Variants in GON4L observed in about 807,000 individuals in gnomAD.
GON4L encodes gon-4 like, also known as GON-4-like protein.
Under a neutral mutation model 211.8 loss-of-function variants are expected in GON4L, and 87 were observed. The ratio of observed to expected loss-of-function variants is 0.41; its 90% CI spans 0.35 to 0.49. The LOEUF is 0.49. Ranked by LOEUF, GON4L falls within the 20% of genes least tolerant of loss-of-function variation. GON4L has a pLI of 0.15. For missense variants in GON4L, 2,155 were observed against 2,659.5 expected, an observed-to-expected ratio of 0.81 and a Z score of 4.17; for synonymous variants, 875 against 962.6, an observed-to-expected ratio of 0.91 and a Z score of 1.68.
chr1:155,822,785 T>C (rs1412651566), intron 3 of GON4L, among the ~76,000 whole-genome samples: 2 of 152,134 alleles, frequency 1.3e-5, no homozygotes, highest in African/African-American at 4.8e-5. Context: ...CACAACTGTA[T>C]ATATTTTTCT....
Position 155,766,378 on chromosome 1 carries a change from G to C in GON4L, c.3095C>G (p.Pro1032Arg), listed in dbSNP as rs769598806. The C allele has an allele frequency of 7.4e-6, 12 of 1,614,130 alleles. No homozygotes were observed. The South Asian group carries it at 7.7e-5, about 10-fold the overall frequency. The change falls in exon 21 of 32, where the codon CCG (proline) becomes CGG (arginine). Residue 1032 changes from proline to arginine, a missense_variant. Coordinates refer to ENST00000368331, the MANE Select transcript of GON4L (RefSeq NM_001282860.2). ...AGGAATCCGGAGCACCATTTTGCTC[G>C]GAGGGGCTTCTGAATGAGTTGATCG... is the stretch of plus-strand genomic sequence containing the variant. ...PARSTHSEAP[P>R]SKMVLRIPHP...
intron 11 of GON4L, among the ~76,000 whole-genome samples, chr1:155,801,844 C>T (rs1215523974): frequency 6.6e-6 from 1 of 152,034 alleles, no homozygotes; most frequent in African/African-American, 2.4e-5. Context: ...GATCACACCA[C>T]TGCACTCCAG....
chr1:155,756,696 G>A (rs985209644), intron 27 of GON4L: 5 of 390,584 alleles, frequency 1.3e-5, no homozygotes, highest in South Asian at 2.6e-5. Context: ...AGGCCGAGGC[G>A]GGTGGATCAC....
chr1:155,813,307 T>C (rs76175008), intron 10 of GON4L, among the ~76,000 whole-genome samples: 3,922 of 151,938 alleles, frequency 0.026, 173 homozygotes, highest in African/African-American at 0.087. Context: ...TGGTGGCATA[T>C]ACCTGTCCCA....
At chr1:155,809,678 T>A (rs1295170355) in intron 10 of GON4L, among the ~76,000 whole-genome samples, 1 of 55,010 alleles carries the variant, frequency 1.8e-5, no homozygotes, top group Non-Finnish European at 3.1e-5. Context: ...TATATACTTA[T>A]AAATTATATA....
intron 11 of GON4L, among the ~76,000 whole-genome samples, chr1:155,802,316 G>GC (rs561794053): frequency 1.2e-4 from 18 of 147,058 alleles, no homozygotes; most frequent in African/African-American, 4.4e-4. Context: ...TTTCCTTGGG[G>GC]GGGGGGAAGG....
At chr1:155,832,939 G>T (rs1571894252) in intron 2 of GON4L, 1 of 139,132 alleles carries the variant, frequency 7.2e-6, no homozygotes, top group Non-Finnish European at 1.5e-5. Flanking sequence ...TCTCTGTTTT[G>T]TGTTACATTA....
At chr1:155,817,479 C>G (rs79161612) in intron 6 of GON4L, among the ~76,000 whole-genome samples, 1 of 151,998 alleles carries the variant, frequency 6.6e-6, no homozygotes, top group African/African-American at 2.4e-5. Context: ...ATGTTCTGAC[C>G]ATTTATCTAG....
In GON4L at chr1:155,753,240, C is replaced by G. The variant is rs1217734199; in HGVS notation, c.5806G>C (p.Val1936Leu). The G allele has an allele frequency of 1.2e-6, 2 of 1,603,352 alleles. No homozygotes were observed. The highest frequency in any genetic ancestry group is 2.2e-5 in the South Asian group (2 of 90,526). The change falls in exon 29 of 32, where the codon GTC becomes CTC. Residue 1936 changes from valine to leucine, a missense_variant. Coordinates refer to ENST00000368331, the MANE Select transcript of GON4L (RefSeq NM_001282860.2). ...ESTEATQSRT[V>L]RTTRKGEMPV... ...ATCTCTCCCTTTCTGGTGGTCCTGA[C>G]AGTCCTGCTCTGGGTGGCCTCAGTG...
In GON4L at chr1:155,762,252, G is replaced by T; in HGVS notation, c.4849C>A (p.Leu1617Ile). ...KLLLLYDEDI[L>I]ERDPLREQKD... ...TGCTCCCTGAGTGGATCTCGCTCGA[G>T]AATGTCCTCATCATACAGCAACAGC... The change falls in exon 23 of 32, where the codon CTC becomes ATC. Residue 1617 changes from leucine to isoleucine, a missense_variant. Leu to Ile is a conservative substitution (Grantham distance 5). Transcript: ENST00000368331. The T allele has an allele frequency of 6.2e-7, 1 of 1,612,624 alleles. No homozygotes were observed. Among genetic ancestry groups the T allele is most frequent in the Non-Finnish European group, 8.5e-7 (1 of 1,179,372 alleles).
At chr1:155,809,992 T>TTATATA (rs376035223) in intron 10 of GON4L, among the ~76,000 whole-genome samples, 1 of 11,688 alleles carries the variant, frequency 8.6e-5, no homozygotes, top group Admixed American at 1.8e-3. Context: ...ATATATATAA[T>TTATATA]TATATATATA....
intron 3 of GON4L, 25 bp downstream of exon 3, chr1:155,826,812 A>C: frequency 6.9e-7 from 1 of 1,456,338 alleles, no homozygotes; most frequent in Non-Finnish European, 9.6e-7. Context: ...GGTTTCATTT[A>C]ATTAAAAAGA....
chr1:155,840,025 T>C (rs2102406655), intron 2 of GON4L, among the ~76,000 whole-genome samples: 1 of 152,350 alleles, frequency 6.6e-6, no homozygotes, highest in South Asian at 2.1e-4. Context: ...TTTTCATCAG[T>C]TGCTGTAACT....
At position 155,816,560 on chromosome 1, in the gene GON4L, T is replaced by C. The variant is rs73001080; in HGVS notation, c.1015-298A>G. 5.6e-3 allele frequency among the ~76,000 whole-genome samples: 854 copies of C among 152,278 alleles called. 7 individuals carry two copies. Among genetic ancestry groups the C allele is most frequent in the African/African-American group, 0.019 (807 of 41,554 alleles). The stretch of plus-strand genomic sequence containing the variant: ...GTTCATATCACAGCTGCGGTTTACA[T>C]GGAACAACAGATGTGACAACTATTT... On this transcript the variant is annotated intron_variant, in intron 6 of 31. Coordinates refer to ENST00000368331, the MANE Select transcript of GON4L (RefSeq NM_001282860.2).
intron 15 of GON4L, 142 bp downstream of exon 15, chr1:155,777,480 G>A (rs1178051821): frequency 5.6e-6 from 4 of 720,270 alleles, no homozygotes; most frequent in African/African-American, 5.2e-5. Context: ...TTGGGAGGCT[G>A]AGGCAGGAGA....
intron 10 of GON4L, among the ~76,000 whole-genome samples, chr1:155,807,077 CA>C (rs1431464066): frequency 8.1e-6 from 1 of 122,894 alleles, no homozygotes; most frequent in African/African-American, 3.0e-5. Flanking sequence ...CCAACCTAAG[CA>C]AGAGAGACAT....
At position 155,791,491 on chromosome 1, in the gene GON4L, GA is replaced by G. The variant is rs77118374; in HGVS notation, c.1747+3558del. 1.6e-3 allele frequency among the ~76,000 whole-genome samples: 209 copies of G among 128,174 alleles called. 4 individuals are homozygous for G. The East Asian group carries it at 0.022, about 13-fold the overall frequency. The allele number at this position is 128,174 out of a possible 152,430, so 84.1% of individuals were successfully genotyped here. The stretch of plus-strand genomic sequence containing the variant: ...GAAACTTTCCTATGTTTTGCATAGG[GA>G]AAAAAAAAAAAAAACTTAAGAAACA... On this transcript the variant is annotated intron_variant, in intron 12 of 31. Coordinates refer to ENST00000368331, the MANE Select transcript of GON4L (RefSeq NM_001282860.2).
chr1:155,768,547 C>A (rs1385145989), intron 19 of GON4L, among the ~76,000 whole-genome samples: 1 of 147,236 alleles, frequency 6.8e-6, no homozygotes, highest in Non-Finnish European at 1.5e-5. Flanking sequence ...GGAGGCGGAG[C>A]TTGCAGTGAG....
At chr1:155,856,526 G>A (rs1468654359) in intron 1 of GON4L, among the ~76,000 whole-genome samples, 1 of 151,748 alleles carries the variant, frequency 6.6e-6, no homozygotes, top group Non-Finnish European at 1.5e-5. Flanking sequence ...GTGAGCCACC[G>A]CGCCCGACCT....
Sources: gnomAD v4.1 joint callset for allele counts (sites outside exome capture counted in the v4.1 genomes callset) on GRCh38, gnomAD v4.1.1 for gene constraint, MANE v1.5 for transcripts, NCBI Gene and HGNC (gene_info 2026-07-23, HGNC 2026-07-21) for gene names.